Variants in SLC4A10 observed in about 807,000 individuals in gnomAD.
The protein encoded by SLC4A10 is sodium-driven chloride bicarbonate exchanger.
In SLC4A10, 42 loss-of-function variants were observed where a neutral mutation model predicts 137.7. That is an observed-to-expected ratio of 0.30 (90% confidence interval 0.24 to 0.39). SLC4A10 has a LOEUF of 0.39. SLC4A10 is among the 10% of genes least tolerant of loss of function. SLC4A10 has a pLI of 1.00. For missense variants in SLC4A10, 925 were observed against 1,355.0 expected (o/e 0.68, Z 4.98); for synonymous variants, 474 against 464.1 (o/e 1.02, Z -0.27).
chr2:161,903,911 T>C, intron 12 of SLC4A10, 93 bp from the exon 13 acceptor site: 1 of 1,288,398 alleles, frequency 7.8e-7, no homozygotes, highest in Non-Finnish European at 1.1e-6. Context: ...ATGGAAAACG[T>C]ATACTGTGAC....
At chr2:161,758,695 A>G (rs536871407) in intron 1 of SLC4A10, among the ~76,000 whole-genome samples, 2 of 152,120 alleles carry the variant, frequency 1.3e-5, no homozygotes, top group South Asian at 4.1e-4. Flanking sequence ...ACAAAGGGCA[A>G]CATTTTATTA....
chr2:161,695,640 T>C (rs1397201042), intron 1 of SLC4A10, among the ~76,000 whole-genome samples: 1 of 152,186 alleles, frequency 6.6e-6, no homozygotes, highest in Non-Finnish European at 1.5e-5. Flanking sequence ...GTTGTTATAA[T>C]GATCGTTGCA....
At chr2:161,645,505 G>A (rs979584995) in intron 1 of SLC4A10, among the ~76,000 whole-genome samples, 3 of 151,720 alleles carry the variant, frequency 2.0e-5, no homozygotes, top group Non-Finnish European at 4.4e-5. Flanking sequence ...TTCCCCAAGT[G>A]AATTAGTAAT....
At chr2:161,758,967 A>G (rs1016407223) in intron 1 of SLC4A10, among the ~76,000 whole-genome samples, 1 of 152,016 alleles carries the variant, frequency 6.6e-6, no homozygotes, top group African/African-American at 2.4e-5. Flanking sequence ...CAAGTATTTT[A>G]CAAATAAAAA....
chr2:161,628,093 T>C (rs2032805288), intron 1 of SLC4A10, among the ~76,000 whole-genome samples: 1 of 152,138 alleles, frequency 6.6e-6, no homozygotes, highest in African/African-American at 2.4e-5. Flanking sequence ...CTTTTAAAAG[T>C]ATGAAGCCTG....
intron 26 of SLC4A10, among the ~76,000 whole-genome samples, chr2:161,978,589 C>A (rs776445621): frequency 5.3e-5 from 8 of 151,956 alleles, no homozygotes; most frequent in Non-Finnish European, 1.0e-4. Context: ...TTTTGTCACC[C>A]CAAAATGGCA....
At chr2:161,841,859 C>A (rs1360970157) in intron 4 of SLC4A10, among the ~76,000 whole-genome samples, 1 of 152,136 alleles carries the variant, frequency 6.6e-6, no homozygotes, top group South Asian at 2.1e-4. Context: ...TTAATCTTTT[C>A]TGTGCATCTT....
intron 15 of SLC4A10, among the ~76,000 whole-genome samples, chr2:161,933,318 CTCTCTTT>C (rs1372574992): frequency 2.1e-5 from 3 of 141,622 alleles, no homozygotes; most frequent in Admixed American, 1.4e-4. Flanking sequence ...CTTTATTTCT[CTCTCTTT>C]TCTCTTTTTT....
chr2:161,955,009 C>T (rs1169860524), intron 19 of SLC4A10, among the ~76,000 whole-genome samples: 1 of 151,402 alleles, frequency 6.6e-6, no homozygotes, highest in African/African-American at 2.5e-5. Context: ...TGTCTTCTGC[C>T]CTCCTCTGAT....
chr2:161,937,751 C>T (rs1179480712), intron 15 of SLC4A10, among the ~76,000 whole-genome samples: 1 of 152,086 alleles, frequency 6.6e-6, no homozygotes, highest in Non-Finnish European at 1.5e-5. Flanking sequence ...GTGCAGAATG[C>T]CTAGATGCCT....
chr2:161,741,943 A>C (rs1349570248), intron 1 of SLC4A10, among the ~76,000 whole-genome samples: 1 of 152,178 alleles, frequency 6.6e-6, no homozygotes, highest in East Asian at 1.9e-4. Context: ...TTTTATACCC[A>C]TTAACCATCT....
At chr2:161,932,975 T>TA (rs1690693474) in intron 15 of SLC4A10, among the ~76,000 whole-genome samples, 2 of 152,294 alleles carry the variant, frequency 1.3e-5, no homozygotes, top group Middle Eastern at 6.8e-3. Context: ...CACAAGGTAT[T>TA]GGTCTTTCTG....
intron 1 of SLC4A10, among the ~76,000 whole-genome samples, chr2:161,629,943 G>T (rs774072181): frequency 6.6e-6 from 1 of 151,742 alleles, no homozygotes; most frequent in Non-Finnish European, 1.5e-5. Context: ...TATACCCACT[G>T]AAAAATATCT....
intron 1 of SLC4A10, among the ~76,000 whole-genome samples, chr2:161,634,263 T>G (rs575783819): frequency 6.6e-6 from 1 of 152,062 alleles, no homozygotes; most frequent in South Asian, 2.1e-4. Context: ...ATTGAGGTTA[T>G]GCATTGTTTG....
At chr2:161,700,375 T>C (rs2042998109) in intron 1 of SLC4A10, among the ~76,000 whole-genome samples, 1 of 152,130 alleles carries the variant, frequency 6.6e-6, no homozygotes, top group African/African-American at 2.4e-5. Context: ...CCCAGGATTG[T>C]GAGGCAAATG....
Position 161,904,781 on chromosome 2 carries a change from A to G in SLC4A10, c.1623A>G (p.Ala541=). The change falls in exon 14 of 27, where the codon GCA becomes GCG. Residue 541 remains alanine (A), a synonymous_variant. Coordinates refer to ENST00000446997, the MANE Select transcript of SLC4A10 (RefSeq NM_001178015.2). ...LGEATEGRIS[A]IESLFGASMT... is the part of the protein sequence containing the mutation. The stretch of plus-strand genomic sequence containing the variant: ...CCATTTATATCTCTACACAGAGTGC[A>G]ATTGAATCTCTCTTTGGAGCATCCA... The G allele has an allele frequency of 6.2e-7, 1 of 1,613,966 alleles. No homozygotes were observed. The highest frequency in any genetic ancestry group is 8.5e-7 in the Non-Finnish European group (1 of 1,179,862).
chr2:161,850,376 C>T (rs1202628242), intron 4 of SLC4A10, among the ~76,000 whole-genome samples: 1 of 151,910 alleles, frequency 6.6e-6, no homozygotes, highest in Non-Finnish European at 1.5e-5. Context: ...GGTGACAGAG[C>T]AAGACTCTGT....
At chr2:161,643,584 GAGAT>G (rs1458584427) in intron 1 of SLC4A10, among the ~76,000 whole-genome samples, 2 of 152,198 alleles carry the variant, frequency 1.3e-5, no homozygotes, top group African/African-American at 4.8e-5. Context: ...TATGACAAAA[GAGAT>G]AGTTTTTTCA....
Position 161,794,016 on chromosome 2 carries a change from C to A in SLC4A10, c.131-10433C>A, listed in dbSNP as rs556071945. Among the ~76,000 whole-genome samples the A allele has an allele frequency of 8.6e-4, 131 of 152,044 alleles. No individual in the cohort carries two copies. The Middle Eastern group carries it at 0.01, about 12-fold the overall frequency. On this transcript the variant is annotated intron_variant, in intron 2 of 26. Coordinates refer to ENST00000446997, the MANE Select transcript of SLC4A10 (RefSeq NM_001178015.2). ...CTATCAGCATCAATGAAGTTAATAA[C>A]AATATTGTTCATGAAAACAAAGGTC...
Sources: allele counts gnomAD v4.1 joint callset (sites outside exome capture counted in the v4.1 genomes callset), GRCh38; gene constraint gnomAD v4.1.1; transcripts MANE v1.5; gene names NCBI Gene and HGNC (gene_info 2026-07-23, HGNC 2026-07-21).